The following INTS14 variants were observed in gnomAD, a reference collection of about 807,000 sequenced individuals.
INTS14 encodes integrator complex subunit 14.
In INTS14, 27 loss-of-function variants were observed where a neutral mutation model predicts 56.9. The observed-to-expected ratio is 0.47, with a 90% CI of 0.35 to 0.65. The LOEUF (loss-of-function observed/expected upper bound fraction) is 0.65, where lower values mean the gene tolerates loss of function less well. Ranked by LOEUF, INTS14 falls within the 30% of genes least tolerant of loss-of-function variation. The probability of loss-of-function intolerance (pLI) is 0.00; values close to 1 mark genes in which losing one functional copy is unlikely to be tolerated. For synonymous variants in INTS14, 207 were observed against 236.2 expected (o/e 0.88, Z 1.13); for missense variants, 517 against 632.2 (o/e 0.82, Z 1.95).
intron 3 of INTS14, among the ~76,000 whole-genome samples, chr15:65,604,387 TTA>T (rs2073564044): frequency 6.6e-6 from 1 of 152,152 alleles, no homozygotes; most frequent in Non-Finnish European, 1.5e-5. Context: ...TGGCTAGATT[TTA>T]TGTTTTATAC....
chr15:65,609,557 T>C (rs964748112), intron 1 of INTS14, among the ~76,000 whole-genome samples: 2 of 152,154 alleles, frequency 1.3e-5, no homozygotes, highest in African/African-American at 4.8e-5. Context: ...TGCCCAACAA[T>C]TTGATAACAA....
intron 6 of INTS14, among the ~76,000 whole-genome samples, chr15:65,596,760 G>A (rs2073227664): frequency 6.6e-6 from 1 of 152,026 alleles, no homozygotes; most frequent in Admixed American, 6.6e-5. Flanking sequence ...AGTAGAAACG[G>A]GGTTTCTCCA....
intron 2 of INTS14, 40 bp downstream of exon 2, chr15:65,607,119 T>C (rs770812885): frequency 6.2e-7 from 1 of 1,601,606 alleles, no homozygotes; most frequent in South Asian, 1.1e-5. Flanking sequence ...TCCCAATAAA[T>C]TTAGGCCCTG....
rs1047655932 is a variant in INTS14, at chr15:65,611,122, C to G, written c.-87G>C. 9.8e-6 allele frequency: 15 copies of G among 1,534,758 alleles called. No individual in the cohort carries two copies. Among genetic ancestry groups the G allele is most frequent in the Admixed American group, 2.0e-5 (1 of 50,962 alleles). ...CCCCGTGCCCATCGCCGGACACAGT[C>G]CGTCGGCATAAACTTTCCGTCGGCA... On this transcript the variant is annotated 5_prime_UTR_variant, in exon 1 of 12. Coordinates refer to ENST00000313182, the MANE Select transcript of INTS14 (RefSeq NM_001394796.1).
intron 3 of INTS14, among the ~76,000 whole-genome samples, chr15:65,604,186 G>A (rs966290567): frequency 2.6e-5 from 4 of 152,098 alleles, no homozygotes; most frequent in African/African-American, 7.2e-5. Context: ...ACGTTCAAGT[G>A]ATTCTCCCGC....
chr15:65,606,367 A>G (rs1039581370), intron 2 of INTS14, among the ~76,000 whole-genome samples: 23 of 151,970 alleles, frequency 1.5e-4, no homozygotes, highest in African/African-American at 5.6e-4. Flanking sequence ...CCACCTAACA[A>G]TTGTTAAAAC....
Position 65,607,265 on chromosome 15 carries a change from A to G in INTS14, c.116T>C (p.Phe39Ser). ...HLAAHGLTML[F>S]EHMATNYKLE... ...CTTGTAATTTGTGGCCATGTGCTCA[A>G]ACAGCATCGTTAAACCATGGGCTGC... Residue 39 changes from phenylalanine (F) to serine (S), a missense_variant, in exon 2 of 12, where the codon TTT becomes TCT. Physicochemically the swap from Phe to Ser is radical, Grantham distance 155. Transcript: ENST00000313182. The G allele has an allele frequency of 6.2e-7, 1 of 1,614,172 alleles. No homozygotes were observed. The highest frequency in any genetic ancestry group is 8.5e-7 in the Non-Finnish European group (1 of 1,180,024).
At chr15:65,604,510 G>A (rs1319059471) in intron 3 of INTS14, among the ~76,000 whole-genome samples, 1 of 152,058 alleles carries the variant, frequency 6.6e-6, no homozygotes, top group East Asian at 1.9e-4. Context: ...TGGGCGGATC[G>A]CCTGAGCCAG....
intron 10 of INTS14, 70 bp from the exon 11 acceptor site, chr15:65,582,089 TG>T: frequency 7.7e-7 from 1 of 1,296,218 alleles, no homozygotes; most frequent in Non-Finnish European, 1.1e-6. Flanking sequence ...TATAAAAGAA[TG>T]GATCTAAATG....
rs149498778 is a variant in INTS14 at position 65,579,984 on chromosome 15, T to C, written c.1306-325A>G. 2.0e-3 allele frequency among the ~76,000 whole-genome samples: 301 copies of C among 152,254 alleles called. 1 individual carries two copies. Among genetic ancestry groups the C allele is most frequent in the African/African-American group, 7.0e-3 (290 of 41,542 alleles). Reference sequence around the variant, plus strand: ...TACTCCTAACTTTAAGGAGGAGTACTTTTCCCCTGTTATTTAGGTATGGAA... The same window carrying C: ...TACTCCTAACTTTAAGGAGGAGTACCTTTCCCCTGTTATTTAGGTATGGAA... On this transcript the variant is annotated intron_variant, in intron 11 of 11. Coordinates refer to ENST00000313182, the MANE Select transcript of INTS14 (RefSeq NM_001394796.1).
At chr15:65,582,709 T>C (rs2072671147) in intron 10 of INTS14, among the ~76,000 whole-genome samples, 1 of 152,176 alleles carries the variant, frequency 6.6e-6, no homozygotes, top group South Asian at 2.1e-4. Context: ...AAATTTGACT[T>C]CTTCAAAACC....
At chr15:65,599,260 T>C (rs2073338852) in intron 4 of INTS14, 1 of 282,494 alleles carries the variant, frequency 3.5e-6, no homozygotes, top group South Asian at 8.9e-5. Context: ...ACACAGCATC[T>C]TCCCTCCAAA....
chr15:65,588,794 T>A (rs1185931844), intron 9 of INTS14, among the ~76,000 whole-genome samples: 3 of 152,234 alleles, frequency 2.0e-5, no homozygotes, highest in African/African-American at 7.2e-5. Context: ...CTATTTTGCA[T>A]GTTTTGCTCA....
chr15:65,610,757 G>A (rs936227370), intron 1 of INTS14: 5 of 1,535,670 alleles, frequency 3.3e-6, no homozygotes, highest in Non-Finnish European at 4.4e-6. Context: ...ATCTCTAAAA[G>A]TCCAGACTGA....
chr15:65,584,708 C>A, intron 10 of INTS14, 62 bp downstream of exon 10: 2 of 1,359,276 alleles, frequency 1.5e-6, no homozygotes, highest in Non-Finnish European at 2.0e-6. Context: ...AAATAAAATG[C>A]CTGCCTGCCT....
At chr15:65,603,454 C>G (rs2073516613) in intron 3 of INTS14, among the ~76,000 whole-genome samples, 1 of 152,084 alleles carries the variant, frequency 6.6e-6, no homozygotes, top group Non-Finnish European at 1.5e-5. Flanking sequence ...TCAATTCATA[C>G]CTTTCCCTGA....
At chr15:65,604,190 C>T (rs2073552311) in intron 3 of INTS14, among the ~76,000 whole-genome samples, 1 of 152,144 alleles carries the variant, frequency 6.6e-6, no homozygotes, top group African/African-American at 2.4e-5. Flanking sequence ...TCAAGTGATT[C>T]TCCCGCCTCA....
chr15:65,589,649 A>G (rs766866908), intron 9 of INTS14, among the ~76,000 whole-genome samples: 1 of 151,248 alleles, frequency 6.6e-6, no homozygotes, highest in Admixed American at 6.6e-5. Flanking sequence ...ACCCTTCCCA[A>G]CCTCTAATGA....
In INTS14 at chr15:65,579,146, C is replaced by T. The variant is rs1485968801; in HGVS notation, c.*262G>A. The T allele has an allele frequency of 2.4e-6, 1 of 413,380 alleles. No homozygotes were observed. The highest frequency in any genetic ancestry group is 4.1e-5 in the Admixed American group (1 of 24,686). 25.6% of individuals were successfully genotyped at this position (413,380 alleles called of 1,614,324 possible). A position where few individuals can be genotyped will look rare whatever the true frequency, so the allele number is the denominator to read the frequency against. On this transcript the variant is annotated 3_prime_UTR_variant, in exon 12 of 12. Transcript: ENST00000313182. Reference sequence around the variant, plus strand: ...ATGCTCATCAGTCATTCAAGCTTCTCAGGAAATGTGCCCATCATGGGAACA... The same window carrying T: ...ATGCTCATCAGTCATTCAAGCTTCTTAGGAAATGTGCCCATCATGGGAACA...
Sources: allele counts gnomAD v4.1 joint callset (sites outside exome capture counted in the v4.1 genomes callset), GRCh38; gene constraint gnomAD v4.1.1; transcripts MANE v1.5; gene names NCBI Gene and HGNC (gene_info 2026-07-23, HGNC 2026-07-21).